The following DHX57 variants were observed in gnomAD, a reference collection of about 807,000 sequenced individuals.
DHX57 encodes putative ATP-dependent RNA helicase DHX57.
A neutral mutation model predicts 156.2 loss-of-function variants in DHX57; 105 were observed. That is an observed-to-expected ratio of 0.67 (90% CI 0.57 to 0.79). The LOEUF (loss-of-function observed/expected upper bound fraction) is 0.79. DHX57 is among the 30% of genes least tolerant of loss of function. The pLI is 0.00. For missense variants in DHX57, 1,847 were observed against 1,661.9 expected, an observed-to-expected ratio of 1.11 and a Z score of -1.94; for synonymous variants, 704 against 595.6, an observed-to-expected ratio of 1.18 and a Z score of -2.65.
At chr2:38,850,692 C>CACGGAAA (rs1553333273) in intron 9 of DHX57, among the ~76,000 whole-genome samples, 6 of 151,786 alleles carry the variant, frequency 4.0e-5, no homozygotes, top group African/African-American at 1.2e-4. Context: ...GTTTCTTTTT[C>CACGGAAA]AGGGAAATAG....
In DHX57 at chr2:38,802,763, A is replaced by T. The variant is rs1669747477; in HGVS notation, c.3969T>A (p.Val1323=). 1 of 1,614,070 alleles carries T rather than the reference A, an allele frequency of 6.2e-7. No homozygotes were observed. The highest frequency in any genetic ancestry group is 1.3e-5 in the African/African-American group (1 of 74,926). ...GGATCCAACCATCATCCAGGGAGAC[A>T]ACGAACTCTCCTCTTTGAAGCTGCA... ...VNVQLQRGEF[V]VSLDDGWIRF... is the part of the protein sequence containing the mutation. Residue 1323 remains valine (V), a synonymous_variant, in exon 23 of 24, where the codon GTT becomes GTA. Transcript: ENST00000457308.
chr2:38,848,266 C>T lies in DHX57; in HGVS notation c.2164+3G>A. On this transcript the variant is annotated splice_donor_region_variant and intron_variant, in intron 10 of 23. Transcript: ENST00000457308. ...TACATATTTAATGATGCATTTTATT[C>T]ACCTGGTATAGTAATAACGGGGCAG... 1 of 1,574,804 alleles carries T rather than the reference C, an allele frequency of 6.3e-7. No homozygotes were observed. Among genetic ancestry groups the T allele is most frequent in the Non-Finnish European group, 8.6e-7 (1 of 1,165,472 alleles).
intron 4 of DHX57, 143 bp from the exon 5 acceptor site, chr2:38,861,980 A>G: frequency 3.3e-6 from 4 of 1,225,966 alleles, no homozygotes; most frequent in Non-Finnish European, 4.4e-6. Flanking sequence ...CCTGATAACA[A>G]TAAGCCCCCC....
rs942425308 is a variant in DHX57, at chr2:38,828,321, T to C, written c.2639+19A>G. On this transcript the variant is annotated intron_variant, in intron 14 of 23. Coordinates refer to ENST00000457308, the MANE Select transcript of DHX57 (RefSeq NM_198963.3). Reference sequence around the variant, plus strand: ...TAACTGCAATGGATGATTAAGAATATAGAAAGCAATTAGCTTACCGATTAC... The same window carrying C: ...TAACTGCAATGGATGATTAAGAATACAGAAAGCAATTAGCTTACCGATTAC... 2.5e-6 allele frequency: 4 copies of C among 1,588,728 alleles called. No homozygotes were observed. Among genetic ancestry groups the C allele is most frequent in the East Asian group, 2.2e-5 (1 of 44,600 alleles).
chr2:38,844,788 T>C (rs989115704), intron 11 of DHX57, among the ~76,000 whole-genome samples: 1 of 151,668 alleles, frequency 6.6e-6, no homozygotes. Context: ...GAAATACAGA[T>C]AGTAATAGTA....
At chr2:38,871,202 TTTCTC>T (rs1356000251) in intron 1 of DHX57, among the ~76,000 whole-genome samples, 11 of 152,336 alleles carry the variant, frequency 7.2e-5, no homozygotes, top group African/African-American at 2.4e-4. Flanking sequence ...TGTCTCTTCT[TTTCTC>T]TGAAATGATT....
Position 38,843,199 on chromosome 2 carries a change from T to C in DHX57, c.2231A>G (p.Gln744Arg). Residue 744 changes from glutamine to arginine, a missense_variant, in exon 12 of 24, where the codon CAG (glutamine) becomes CGG (arginine). Gln to Arg is a conservative substitution (Grantham distance 43, BLOSUM62 1). Coordinates refer to ENST00000457308, the MANE Select transcript of DHX57 (RefSeq NM_198963.3). The stretch of plus-strand genomic sequence containing the variant: ...GGACCGCATATATGGGCTCCCATCC[T>C]GTAATACATACCTGAGAAAGACAAA... ...DAIAVTRYVLQDGSPYMRSMK... is the reference protein window; with the variant it reads ...DAIAVTRYVLRDGSPYMRSMK... 2 of 1,614,058 alleles carry C rather than the reference T, an allele frequency of 1.2e-6. No homozygotes were observed. The highest frequency in any genetic ancestry group is 2.7e-5 in the African/African-American group (2 of 75,074).
At chr2:38,832,607 G>T (rs950912513) in intron 13 of DHX57, among the ~76,000 whole-genome samples, 2 of 150,252 alleles carry the variant, frequency 1.3e-5, no homozygotes, top group Non-Finnish European at 3.0e-5. Flanking sequence ...GTGAAGTGGC[G>T]CAATCTTGGT....
chr2:38,802,574 C>T, intron 23 of DHX57, 141 bp downstream of exon 23: 1 of 1,035,504 alleles, frequency 9.7e-7, no homozygotes, highest in South Asian at 1.6e-5. Flanking sequence ...AGGTGTGAGC[C>T]ACTGGGCTCG....
intron 2 of DHX57, among the ~76,000 whole-genome samples, chr2:38,867,941 G>A (rs1665163221): frequency 6.6e-6 from 1 of 152,222 alleles, no homozygotes; most frequent in East Asian, 1.9e-4. Flanking sequence ...CACTATTTCT[G>A]TATTTACTTT....
At position 38,815,599 on chromosome 2, in the gene DHX57, T is replaced by C. The variant is rs773445504; in HGVS notation, c.3528A>G (p.Ala1176=). ...TTTCCCTTGCTCTGAGCCCTTCCCT[T>C]GCAAACCCTATATCCGATAACAGTT... is the stretch of plus-strand genomic sequence containing the variant. ...FTELLSDIGF[A]REGLRAREIE... The change falls in exon 20 of 24, where the codon GCA becomes GCG. Residue 1176 remains alanine, a synonymous_variant. Transcript: ENST00000457308. 2.0e-5 allele frequency: 32 copies of C among 1,613,998 alleles called. No homozygotes were observed. The East Asian group carries it at 6.9e-4, about 35-fold the overall frequency.
intron 22 of DHX57, 87 bp from the exon 23 acceptor site, chr2:38,803,002 C>T: frequency 6.9e-7 from 1 of 1,444,836 alleles, no homozygotes; most frequent in Admixed American, 1.8e-5. Flanking sequence ...TTAAATACTG[C>T]CTATTAATGA....
At position 38,858,740 on chromosome 2, in the gene DHX57, A is replaced by T; in HGVS notation, c.1508T>A (p.Ile503Asn). 1 of 1,614,096 alleles carries T rather than the reference A, an allele frequency of 6.2e-7. No individual in the cohort carries two copies. Among genetic ancestry groups the T allele is most frequent in the Non-Finnish European group, 8.5e-7 (1 of 1,180,000 alleles). Residue 503 changes from isoleucine to asparagine, a missense_variant, in exon 6 of 24, where the codon ATT (isoleucine) becomes AAT (asparagine). Ile to Asn is a moderately radical substitution (Grantham distance 149, BLOSUM62 -3). Coordinates refer to ENST00000457308, the MANE Select transcript of DHX57 (RefSeq NM_198963.3). ...NESYVNLKKK[I>N]SKRYDWQAKS... is the part of the protein sequence containing the mutation. The stretch of plus-strand genomic sequence containing the variant: ...TGCCTGCCAGTCATATCTTTTGGAA[A>T]TCTTTTTCTTAAGGTTCACATAGCT...
At chr2:38,853,643 A>G (rs1672729989) in intron 9 of DHX57, 1 of 153,548 alleles carries the variant, frequency 6.5e-6, no homozygotes. Context: ...ATCCCCAGCA[A>G]CTAATATATC....
chr2:38,847,439 A>G (rs1672349320), intron 10 of DHX57, among the ~76,000 whole-genome samples: 1 of 152,208 alleles, frequency 6.6e-6, no homozygotes, highest in South Asian at 2.1e-4. Flanking sequence ...TACTGCCAGC[A>G]TTCCCTATAA....
chr2:38,802,944 G>C (rs1669764143), intron 22 of DHX57, 29 bp from the exon 23 acceptor site: 1 of 1,611,818 alleles, frequency 6.2e-7, no homozygotes, highest in South Asian at 1.1e-5. Context: ...GATGATGACA[G>C]TGATGTCACT....
intron 1 of DHX57, among the ~76,000 whole-genome samples, chr2:38,871,710 CT>C (rs145199958): frequency 0.014 from 1,905 of 136,606 alleles, 29 homozygotes; most frequent in African/African-American, 0.043. Context: ...ATAACTCATT[CT>C]TTTTTTTTTT....
rs1048871643 is a variant in DHX57 at position 38,855,105 on chromosome 2, C to T, written c.1857G>A (p.Glu619=). The part of the protein sequence containing the change: ...VAERVAKERA[E]RVGLTVGYQI... ...GGTATCCCACGGTCAGACCCACCCT[C>T]TCTGCTCTTTCTTTAGCAACGCGTT... The change falls in exon 8 of 24, where the codon GAG becomes GAA. Residue 619 remains glutamate, a synonymous_variant. Transcript: ENST00000457308. The T allele has an allele frequency of 2.5e-6, 4 of 1,614,036 alleles. No individual in the cohort carries two copies. Among genetic ancestry groups the T allele is most frequent in the Non-Finnish European group, 3.4e-6 (4 of 1,180,044 alleles).
At chr2:38,839,942 T>C (rs1242729280) in intron 12 of DHX57, among the ~76,000 whole-genome samples, 1 of 152,166 alleles carries the variant, frequency 6.6e-6, no homozygotes, top group Non-Finnish European at 1.5e-5. Context: ...AACATAGTTT[T>C]GTTTTTTAAA....
Sources: gnomAD v4.1 joint callset for allele counts (sites outside exome capture counted in the v4.1 genomes callset) on GRCh38, gnomAD v4.1.1 for gene constraint, MANE v1.5 for transcripts, NCBI Gene and HGNC (gene_info 2026-07-23, HGNC 2026-07-21) for gene names.